The following SMYD3 variants were observed in gnomAD, a reference collection of about 807,000 sequenced individuals.
SMYD3 encodes histone-lysine N-methyltransferase SMYD3.
A neutral mutation model predicts 57.7 loss-of-function variants in SMYD3; 36 were observed. The ratio of observed to expected loss-of-function variants is 0.62; its 90% confidence interval spans 0.48 to 0.82. The LOEUF is 0.82. Among genes scored for constraint, SMYD3 ranks in the 40% least tolerant of loss-of-function variants. The pLI, the probability that SMYD3 is intolerant of heterozygous loss-of-function variation, is 0.00. For synonymous variants in SMYD3, 211 were observed against 195.0 expected (o/e 1.08, Z -0.68); for missense variants, 515 against 538.8 (o/e 0.96, Z 0.44).
intron 1 of SMYD3, among the ~76,000 whole-genome samples, chr1:246,425,381 T>C (rs2067203624): frequency 6.6e-6 from 1 of 152,194 alleles, no homozygotes; most frequent in African/African-American, 2.4e-5. Flanking sequence ...GGTCTGTAAC[T>C]GGAGTATCTT....
intron 1 of SMYD3, among the ~76,000 whole-genome samples, chr1:246,402,631 A>C (rs1558446867): frequency 6.6e-6 from 1 of 152,212 alleles, no homozygotes; most frequent in Non-Finnish European, 1.5e-5. Flanking sequence ...AATAAAGCTT[A>C]CCTTTGCAAA....
At chr1:246,453,381 G>A (rs894031973) in intron 1 of SMYD3, among the ~76,000 whole-genome samples, 4 of 152,192 alleles carry the variant, frequency 2.6e-5, no homozygotes, top group African/African-American at 9.7e-5. Context: ...TGTTATAAGT[G>A]AGAATTTAGT....
chr1:246,435,970 C>T (rs995494662), intron 1 of SMYD3, among the ~76,000 whole-genome samples: 10 of 152,094 alleles, frequency 6.6e-5, no homozygotes, highest in Admixed American at 6.6e-4. Flanking sequence ...ATCACGGGTT[C>T]CAGCACAGTA....
At chr1:246,027,107 G>A (rs2059588621) in intron 5 of SMYD3, among the ~76,000 whole-genome samples, 1 of 152,180 alleles carries the variant, frequency 6.6e-6, no homozygotes, top group African/African-American at 2.4e-5. Flanking sequence ...TAATCCAGAG[G>A]AAAGCCCTAA....
intron 1 of SMYD3, among the ~76,000 whole-genome samples, chr1:246,381,054 A>G (rs1297398385): frequency 1.3e-5 from 2 of 152,228 alleles, no homozygotes; most frequent in East Asian, 3.8e-4. Context: ...AATGGGGAGT[A>G]GAATGGCAAA....
intron 10 of SMYD3, among the ~76,000 whole-genome samples, chr1:245,837,038 T>C (rs1212952596): frequency 1.3e-5 from 2 of 152,114 alleles, no homozygotes; most frequent in Non-Finnish European, 2.9e-5. Context: ...GCATCGTCAC[T>C]GACCAATCAG....
intron 5 of SMYD3, among the ~76,000 whole-genome samples, chr1:246,039,019 T>A (rs959458994): frequency 1.3e-5 from 2 of 152,212 alleles, no homozygotes; most frequent in East Asian, 3.8e-4. Context: ...TTCAAGTCTC[T>A]ACCAGAGTTT....
intron 10 of SMYD3, among the ~76,000 whole-genome samples, chr1:245,796,043 A>C (rs763289787): frequency 6.6e-6 from 1 of 152,118 alleles, no homozygotes; most frequent in Non-Finnish European, 1.5e-5. Flanking sequence ...TACAGGCCAC[A>C]CTTCTTTTTG....
chr1:246,233,089 A>G (rs1167781587), intron 5 of SMYD3, among the ~76,000 whole-genome samples: 70 of 130,868 alleles, frequency 5.3e-4, no homozygotes, highest in African/African-American at 1.1e-3. Flanking sequence ...TACCACACAG[A>G]GGAGAAGCAC....
At chr1:246,239,553 G>A (rs1309758660) in intron 5 of SMYD3, among the ~76,000 whole-genome samples, 2 of 152,154 alleles carry the variant, frequency 1.3e-5, no homozygotes, top group African/African-American at 4.8e-5. Context: ...ATAAACATAC[G>A]TGTGCATGTG....
intron 8 of SMYD3, among the ~76,000 whole-genome samples, chr1:245,893,439 C>T (rs1408246510): frequency 6.6e-6 from 1 of 152,126 alleles, no homozygotes; most frequent in Non-Finnish European, 1.5e-5. Context: ...TTGACAACCA[C>T]CAAAACTAGA....
chr1:246,395,295 T>C (rs1041033514), intron 1 of SMYD3, among the ~76,000 whole-genome samples: 2 of 152,206 alleles, frequency 1.3e-5, no homozygotes, highest in African/African-American at 4.8e-5. Context: ...AGTGTAGAAA[T>C]ATATCTTAAC....
chr1:246,025,807 A>C (rs1479253539), intron 5 of SMYD3: 2 of 152,250 alleles, frequency 1.3e-5, no homozygotes, highest in African/African-American at 4.8e-5. Flanking sequence ...CAGTGACCTA[A>C]GGTGCTATAT....
At chr1:246,333,277 T>C (rs528467285) in intron 3 of SMYD3, among the ~76,000 whole-genome samples, 42 of 151,768 alleles carry the variant, frequency 2.8e-4, no homozygotes, top group Admixed American at 1.9e-3. Context: ...GTAGATGTGA[T>C]AGCAAGAACG....
intron 10 of SMYD3, among the ~76,000 whole-genome samples, chr1:245,842,445 C>T (rs2148423050): frequency 3.6e-5 from 2 of 55,408 alleles, no homozygotes; most frequent in Non-Finnish European, 6.1e-5. Context: ...ATTCTCTTTT[C>T]ATTTCAAGTC....
Position 246,154,882 on chromosome 1 carries a change from T to C in SMYD3, c.531+172319A>G, listed in dbSNP as rs112761599. On this transcript the variant is annotated intron_variant, in intron 5 of 11. Transcript: ENST00000490107. ...CTCTAAGCTCCGCCTCCCGGGTTCA[T>C]GTGATTCTCCTGCCTCAGCTTCATA... Among the ~76,000 whole-genome samples the C allele has an allele frequency of 2.2e-3, 327 of 151,968 alleles. 2 individuals are homozygous for C. Among genetic ancestry groups the C allele is most frequent in the African/African-American group, 7.4e-3 (306 of 41,452 alleles).
intron 10 of SMYD3, among the ~76,000 whole-genome samples, chr1:245,817,130 C>A (rs1391803625): frequency 1.3e-5 from 2 of 151,084 alleles, no homozygotes; most frequent in South Asian, 2.1e-4. Context: ...GTAACCTCTG[C>A]AGACTTAAGT....
intron 5 of SMYD3, among the ~76,000 whole-genome samples, chr1:246,007,385 G>T (rs2059193476): frequency 6.6e-6 from 1 of 152,136 alleles, no homozygotes; most frequent in Non-Finnish European, 1.5e-5. Flanking sequence ...CCTGGTCAAT[G>T]ATCTACTTGC....
intron 5 of SMYD3, chr1:246,322,523 A>G: frequency 6.6e-6 from 1 of 152,192 alleles, no homozygotes; most frequent in East Asian, 1.9e-4. Flanking sequence ...GAGCCAGCAG[A>G]GATGAAATTG....
Sources: gnomAD v4.1 joint callset for allele counts (sites outside exome capture counted in the v4.1 genomes callset) on GRCh38, gnomAD v4.1.1 for gene constraint, MANE v1.5 for transcripts, NCBI Gene and HGNC (gene_info 2026-07-23, HGNC 2026-07-21) for gene names.